The following TCF4 variants were observed in gnomAD, a reference collection of about 807,000 sequenced individuals.
The protein encoded by TCF4 is transcription factor 4, also known as SL3-3 enhancer factor 2.
Under a neutral mutation model 82.1 loss-of-function variants are expected in TCF4, and 3 were observed. That is an observed-to-expected ratio of 0.04 (90% CI 0.02 to 0.09). The LOEUF (loss-of-function observed/expected upper bound fraction) is 0.09, where lower values mean the gene tolerates loss of function less well. TCF4 is among the 10% of genes least tolerant of loss of function. The pLI is 1.00. For synonymous variants in TCF4, 276 were observed against 309.6 expected, an observed-to-expected ratio of 0.89 and a Z score of 1.14; for missense variants, 518 against 852.7, an observed-to-expected ratio of 0.61 and a Z score of 4.89.
At position 55,306,900 on chromosome 18, in the gene TCF4, T is replaced by C. The variant is rs1031681670; in HGVS notation, c.550-27244A>G. On this transcript the variant is annotated intron_variant, in intron 8 of 19. Coordinates refer to ENST00000354452, the MANE Select transcript of TCF4 (RefSeq NM_001083962.2). ...ATTTTCAAAGGCTTGGAACTCTCCT[T>C]CTGGGAAAAGTGAGTTGAAGACTGG... 6.6e-5 allele frequency among the ~76,000 whole-genome samples: 10 copies of C among 152,138 alleles called. No individual in the cohort carries two copies. In the South Asian group the frequency reaches 2.1e-3, roughly 31 times the overall value.
intron 5 of TCF4, among the ~76,000 whole-genome samples, chr18:55,456,349 G>A (rs767885286): frequency 1.3e-5 from 2 of 152,180 alleles, no homozygotes; most frequent in Non-Finnish European, 2.9e-5. Flanking sequence ...AATGCTCTGG[G>A]AGAGTACCAT....
At chr18:55,381,713 A>C (rs761765132) in intron 6 of TCF4, among the ~76,000 whole-genome samples, 2 of 152,038 alleles carry the variant, frequency 1.3e-5, no homozygotes, top group Non-Finnish European at 2.9e-5. Flanking sequence ...AGATGTGTAG[A>C]GTATCGGTTT....
intron 6 of TCF4, among the ~76,000 whole-genome samples, chr18:55,382,866 A>G (rs896162628): frequency 6.6e-6 from 1 of 152,224 alleles, no homozygotes; most frequent in Non-Finnish European, 1.5e-5. Flanking sequence ...CTCCTTCCTC[A>G]TTACCTATTC....
chr18:55,488,560 G>T (rs534802641), intron 3 of TCF4, among the ~76,000 whole-genome samples: 1 of 151,900 alleles, frequency 6.6e-6, no homozygotes, highest in African/African-American at 2.4e-5. Flanking sequence ...CACAACTTAA[G>T]CTGCAGCTCT....
intron 2 of TCF4, among the ~76,000 whole-genome samples, chr18:55,611,193 T>C (rs2097706672): frequency 6.6e-6 from 1 of 152,166 alleles, no homozygotes; most frequent in Non-Finnish European, 1.5e-5. Context: ...CCCAGACTAC[T>C]CTGGGCTGGC....
chr18:55,325,260 C>T (rs1047231522), intron 8 of TCF4, among the ~76,000 whole-genome samples: 4 of 152,146 alleles, frequency 2.6e-5, no homozygotes, highest in African/African-American at 9.7e-5. Flanking sequence ...GGTTCACAGA[C>T]ATGTCAATTT....
intron 6 of TCF4, chr18:55,401,438 A>G (rs981598585): frequency 1.9e-6 from 2 of 1,066,754 alleles, no homozygotes; most frequent in Non-Finnish European, 2.3e-6. Flanking sequence ...TAAGAAAAGC[A>G]TATGCAGTCA....
At chr18:55,383,771 G>A (rs1181351320) in intron 6 of TCF4, 1 of 152,178 alleles carries the variant, frequency 6.6e-6, no homozygotes, top group Non-Finnish European at 1.5e-5. Context: ...GGCGGTAAAA[G>A]AAAAAGAGTA....
rs76035038 is a variant in TCF4 at position 55,264,824 on chromosome 18, A to C, written c.923-3291T>G. ...GGCTCTAATCAATTTATCTTGCCCAAGAGAAATATAATCAGTCCCTAAGTA... is the reference window on the plus strand; with the variant it reads ...GGCTCTAATCAATTTATCTTGCCCACGAGAAATATAATCAGTCCCTAAGTA... On this transcript the variant is annotated intron_variant, in intron 11 of 19. Transcript: ENST00000354452. The C allele has an allele frequency of 3.0e-4, 46 of 152,280 alleles. 1 individual carries two copies. The East Asian group carries it at 8.9e-3, about 29-fold the overall frequency. The allele number at this position is 152,280 out of a possible 1,614,324, so 9.4% of individuals were successfully genotyped here. A position where few individuals can be genotyped will look rare whatever the true frequency, so the allele number is the denominator to read the frequency against.
chr18:55,471,765 CAA>C (rs11338618), intron 3 of TCF4, among the ~76,000 whole-genome samples: 140 of 131,458 alleles, frequency 1.1e-3, no homozygotes, highest in African/African-American at 1.2e-3. Context: ...GACTCTGTCT[CAA>C]AAAAAAAAAA....
intron 9 of TCF4, among the ~76,000 whole-genome samples, chr18:55,278,260 T>C (rs935239627): frequency 2.6e-5 from 4 of 152,116 alleles, no homozygotes; most frequent in African/African-American, 9.7e-5. Flanking sequence ...TCCTGTGACA[T>C]GGCCCTTCCT....
At chr18:55,363,513 A>G (rs1218151605) in intron 6 of TCF4, among the ~76,000 whole-genome samples, 1 of 152,154 alleles carries the variant, frequency 6.6e-6, no homozygotes, top group East Asian at 1.9e-4. Context: ...GTTTTTCAAA[A>G]CATTACCCAG....
intron 5 of TCF4, among the ~76,000 whole-genome samples, chr18:55,438,275 C>G (rs1569476315): frequency 6.6e-6 from 1 of 151,922 alleles, no homozygotes; most frequent in Non-Finnish European, 1.5e-5. Flanking sequence ...TGCTCAGCCC[C>G]TCACTCTCTC....
chr18:55,393,184 T>C (rs75741749), intron 6 of TCF4, among the ~76,000 whole-genome samples: 3,314 of 152,212 alleles, frequency 0.022, 76 homozygotes, highest in Non-Finnish European at 0.027. Flanking sequence ...GACAACAACG[T>C]GAGACCCTGG....
chr18:55,571,955 T>C (rs1254084229), intron 3 of TCF4, among the ~76,000 whole-genome samples: 1 of 151,694 alleles, frequency 6.6e-6, no homozygotes, highest in Non-Finnish European at 1.5e-5. Context: ...TTATAGTTCA[T>C]TTCGTTTTAA....
intron 2 of TCF4, among the ~76,000 whole-genome samples, chr18:55,614,845 C>A (rs528518415): frequency 1.3e-5 from 2 of 152,286 alleles, no homozygotes; most frequent in South Asian, 4.1e-4. Context: ...AAAGGTCACA[C>A]AGATTTTCTC....
At chr18:55,314,418 AT>A (rs2073498426) in intron 8 of TCF4, among the ~76,000 whole-genome samples, 1 of 152,140 alleles carries the variant, frequency 6.6e-6, no homozygotes, top group Non-Finnish European at 1.5e-5. Context: ...GGGGTGCAGA[AT>A]TTATCCTTTT....
intron 6 of TCF4, among the ~76,000 whole-genome samples, chr18:55,364,304 T>G (rs1569200836): frequency 2.0e-5 from 3 of 152,232 alleles, no homozygotes; most frequent in Non-Finnish European, 4.4e-5. Flanking sequence ...AGCAGGAGTT[T>G]TATTAAATTA....
At chr18:55,588,202 G>C, upstream of TCF4, 1 of 1,276,900 alleles carries the variant, frequency 7.8e-7, no homozygotes, top group Non-Finnish European at 9.9e-7. Flanking sequence ...CAGACACACA[G>C]CCAAGATCCC....
Sources: allele counts gnomAD v4.1 joint callset (sites outside exome capture counted in the v4.1 genomes callset), GRCh38; gene constraint gnomAD v4.1.1; transcripts MANE v1.5; gene names NCBI Gene and HGNC (gene_info 2026-07-23, HGNC 2026-07-21).